The following GRM7 variants were observed in gnomAD, a reference collection of about 807,000 sequenced individuals.
GRM7 encodes the protein glutamate metabotropic receptor 7, also known as metabotropic glutamate receptor 7.
GRM7 carries 35 observed loss-of-function variants against 84.5 expected under a neutral mutation model. The observed-to-expected ratio is 0.41, with a 90% CI of 0.32 to 0.55. GRM7 has a LOEUF of 0.55. Ranked by LOEUF, GRM7 falls within the 20% of genes least tolerant of loss-of-function variation. GRM7 has a pLI of 0.19. For missense variants in GRM7, 1,003 were observed against 1,194.6 expected, an observed-to-expected ratio of 0.84 and a Z score of 2.36; for synonymous variants, 487 against 455.1, an observed-to-expected ratio of 1.07 and a Z score of -0.89.
At chr3:7,266,002 C>T (rs1698622657) in intron 2 of GRM7, among the ~76,000 whole-genome samples, 1 of 152,128 alleles carries the variant, frequency 6.6e-6, no homozygotes, top group Non-Finnish European at 1.5e-5. Flanking sequence ...CAGGCAGTGT[C>T]TTAATCCCGA....
chr3:7,530,013 A>T (rs1484637501), intron 7 of GRM7, among the ~76,000 whole-genome samples: 1 of 151,150 alleles, frequency 6.6e-6, no homozygotes, highest in Non-Finnish European at 1.5e-5. Context: ...ACATAGGTAT[A>T]CACGTGCCAT....
chr3:7,193,023 T>C (rs1695761663), intron 2 of GRM7, among the ~76,000 whole-genome samples: 1 of 152,160 alleles, frequency 6.6e-6, no homozygotes, highest in Non-Finnish European at 1.5e-5. Flanking sequence ...TTGGCCTTCA[T>C]TTCTTTTTAC....
At chr3:7,674,086 G>A (rs1432338400) in intron 8 of GRM7, among the ~76,000 whole-genome samples, 1 of 152,152 alleles carries the variant, frequency 6.6e-6, no homozygotes, top group African/African-American at 2.4e-5. Flanking sequence ...ATAGTATCAG[G>A]GGCAGAGCAG....
chr3:6,918,455 T>G (rs1462779573), intron 1 of GRM7, among the ~76,000 whole-genome samples: 1 of 152,190 alleles, frequency 6.6e-6, no homozygotes, highest in Non-Finnish European at 1.5e-5. Flanking sequence ...GCTGATCCCA[T>G]GTGCTTTAGA....
chr3:7,046,064 T>C (rs1344196940), intron 1 of GRM7, among the ~76,000 whole-genome samples: 1 of 152,138 alleles, frequency 6.6e-6, no homozygotes, highest in Admixed American at 6.6e-5. Flanking sequence ...TAATAGTCAT[T>C]CTAATAGGTG....
At chr3:7,614,299 T>G (rs1218201175) in intron 8 of GRM7, among the ~76,000 whole-genome samples, 2 of 152,120 alleles carry the variant, frequency 1.3e-5, no homozygotes. Context: ...AATATCCTGA[T>G]AAACAGCACC....
rs202065875 is a variant in GRM7 at position 7,275,939 on chromosome 3, C to CA, written c.737-22745_737-22744insA. Among the ~76,000 whole-genome samples, 469 of 152,126 alleles carry CA rather than the reference C, an allele frequency of 3.1e-3. 16 individuals carry two copies. The East Asian group carries it at 0.071, about 23-fold the overall frequency. ...ATTCAGTAATTACACTTCAGGTTTTCCTATCCCAGCATTGATTCCCTCAGA... is the reference window on the plus strand; with the variant it reads ...ATTCAGTAATTACACTTCAGGTTTTCACTATCCCAGCATTGATTCCCTCAGA... On this transcript the variant is annotated intron_variant, in intron 2 of 9. Transcript: ENST00000357716.
At chr3:7,336,149 A>T (rs982699477) in intron 4 of GRM7, among the ~76,000 whole-genome samples, 1 of 152,140 alleles carries the variant, frequency 6.6e-6, no homozygotes, top group Non-Finnish European at 1.5e-5. Flanking sequence ...TCTCAACAAA[A>T]TACTTGTGAA....
At chr3:7,085,735 C>G (rs1008278798) in intron 1 of GRM7, among the ~76,000 whole-genome samples, 2 of 151,934 alleles carry the variant, frequency 1.3e-5, no homozygotes, top group South Asian at 2.1e-4. Flanking sequence ...CTCTTTTAAG[C>G]CTTTTGCTGG....
intron 5 of GRM7, among the ~76,000 whole-genome samples, chr3:7,423,766 T>C (rs1333085948): frequency 6.6e-6 from 1 of 151,858 alleles, no homozygotes; most frequent in African/African-American, 2.4e-5. Context: ...ATCAACTATA[T>C]ATATATCTCC....
chr3:7,666,112 C>T (rs1219814020), intron 8 of GRM7, among the ~76,000 whole-genome samples: 1 of 152,086 alleles, frequency 6.6e-6, no homozygotes, highest in African/African-American at 2.4e-5. Flanking sequence ...GCAGGCTGCT[C>T]TTAGGGAGCA....
chr3:7,326,194 A>C (rs544037611), intron 4 of GRM7, among the ~76,000 whole-genome samples: 2 of 152,018 alleles, frequency 1.3e-5, no homozygotes, highest in Non-Finnish European at 2.9e-5. Context: ...AAAAAAACAC[A>C]TTATTTTGAG....
chr3:7,657,139 C>T (rs1699239289), intron 8 of GRM7, among the ~76,000 whole-genome samples: 1 of 152,122 alleles, frequency 6.6e-6, no homozygotes, highest in African/African-American at 2.4e-5. Flanking sequence ...GAAATGATGA[C>T]CTGAGTATTG....
At position 7,237,261 on chromosome 3, in the gene GRM7, T is replaced by A. The variant is rs116776579; in HGVS notation, c.737-61423T>A. Among the ~76,000 whole-genome samples the A allele has an allele frequency of 4.3e-3, 657 of 152,344 alleles. 2 individuals are homozygous for A. The highest frequency in any genetic ancestry group is 0.015 in the African/African-American group (629 of 41,582). On this transcript the variant is annotated intron_variant, in intron 2 of 9. Transcript: ENST00000357716. ...CCTTTCTGATGTTGAATTTCAGCAG[T>A]TGCCTTGAGAAGCCCCTTAACTTTA...
chr3:7,128,134 T>A (rs1177997903), intron 1 of GRM7, among the ~76,000 whole-genome samples: 1 of 151,698 alleles, frequency 6.6e-6, no homozygotes, highest in Admixed American at 6.6e-5. Flanking sequence ...TGGGTCCCTT[T>A]ACTTTAAAAA....
chr3:7,286,184 C>T (rs1176992772), intron 2 of GRM7, among the ~76,000 whole-genome samples: 2 of 152,118 alleles, frequency 1.3e-5, no homozygotes, highest in East Asian at 3.9e-4. Flanking sequence ...CTTAGTGTAA[C>T]CTAAATTAAA....
At chr3:6,943,644 T>C (rs1409768669) in intron 1 of GRM7, among the ~76,000 whole-genome samples, 2 of 152,042 alleles carry the variant, frequency 1.3e-5, no homozygotes, top group African/African-American at 4.8e-5. Flanking sequence ...TTAGCTTTGT[T>C]CTTTAAGGTT....
intron 1 of GRM7, among the ~76,000 whole-genome samples, chr3:7,043,254 T>C (rs1696694910): frequency 6.6e-6 from 1 of 152,194 alleles, no homozygotes; most frequent in South Asian, 2.1e-4. Flanking sequence ...GGCATCCTAA[T>C]GAAAATCTTC....
At chr3:7,424,073 G>C (rs887330986) in intron 5 of GRM7, among the ~76,000 whole-genome samples, 2 of 152,074 alleles carry the variant, frequency 1.3e-5, no homozygotes, top group Non-Finnish European at 2.9e-5. Context: ...TTCTGTTACT[G>C]TGTCACCATG....
Sources: gnomAD v4.1 joint callset for allele counts (sites outside exome capture counted in the v4.1 genomes callset) on GRCh38, gnomAD v4.1.1 for gene constraint, MANE v1.5 for transcripts, NCBI Gene and HGNC (gene_info 2026-07-23, HGNC 2026-07-21) for gene names.